Variants in SIPA1L1 observed in about 807,000 individuals in gnomAD.
The protein encoded by SIPA1L1 is signal-induced proliferation-associated 1-like protein 1.
SIPA1L1 carries 26 observed loss-of-function variants against 162.7 expected under a neutral mutation model. That is an observed-to-expected ratio of 0.16 (90% CI 0.12 to 0.22). SIPA1L1 has a LOEUF of 0.22. SIPA1L1 is among the 10% of genes least tolerant of loss of function. The pLI, the probability that SIPA1L1 is intolerant of heterozygous loss-of-function variation, is 1.00. For synonymous variants in SIPA1L1, 829 were observed against 837.4 expected, an observed-to-expected ratio of 0.99 and a Z score of 0.17; for missense variants, 1,874 against 2,241.0, an observed-to-expected ratio of 0.84 and a Z score of 3.31.
chr14:71,588,617 A>G lies in SIPA1L1; in HGVS notation c.745A>G (p.Thr249Ala), dbSNP rs878874612. The G allele has an allele frequency of 1.2e-6, 2 of 1,614,076 alleles. No homozygotes were observed. The highest frequency in any genetic ancestry group is 2.2e-5 in the South Asian group (2 of 91,080). ...AACCAAGCTCAGTGACTTTCTCATT[A>G]CTGGTGGTGGCAAGGGTTCTGGTTT... ...TPTKLSDFLI[T>A]GGGKGSGFSL... Residue 249 changes from threonine (T) to alanine (A), a missense_variant, in exon 5 of 24, where the codon ACT becomes GCT. Transcript: ENST00000381232. The surrounding 1 kb of genome is among the most constrained non-coding windows in gnomAD (Gnocchi z 4.3).
intron 8 of SIPA1L1, among the ~76,000 whole-genome samples, chr14:71,655,229 T>C (rs1017187939): frequency 1.3e-5 from 2 of 152,142 alleles, no homozygotes; most frequent in African/African-American, 4.8e-5. Flanking sequence ...GTATTTGACT[T>C]TCTGTTTCTG....
chr14:71,430,390 A>G (rs1270797941), intron 2 of SIPA1L1, among the ~76,000 whole-genome samples: 1 of 152,212 alleles, frequency 6.6e-6, no homozygotes, highest in Non-Finnish European at 1.5e-5. Flanking sequence ...ATCAGTCTTC[A>G]TATGCCACTT....
Position 71,724,675 on chromosome 14 carries a change from A to G in SIPA1L1, c.4454A>G (p.His1485Arg), listed in dbSNP as rs770034153. The change falls in exon 19 of 24, where the codon CAT becomes CGT. Residue 1485 changes from histidine to arginine, a missense_variant. By Grantham distance (29) the His-to-Arg change is conservative (BLOSUM62 0). This residue lies in a region of SIPA1L1 where 936 missense variants were observed against 1,051.9 expected (regional missense o/e 0.89). Transcript: ENST00000381232. ...SVGFMDTRKR[H>R]QSDGNEIAHT... ...CTCTTCCCTTTTTTGTCCAGGCGTC[A>G]TCAGAGCGATGGCAATGAAATAGCC... The G allele has an allele frequency of 6.2e-7, 1 of 1,612,470 alleles. No homozygotes were observed. Among genetic ancestry groups the G allele is most frequent in the African/African-American group, 1.3e-5 (1 of 74,880 alleles).
At chr14:71,653,744 G>A (rs183227697) in intron 8 of SIPA1L1, among the ~76,000 whole-genome samples, 1 of 152,272 alleles carries the variant, frequency 6.6e-6, no homozygotes, top group Admixed American at 6.5e-5. Context: ...CATTATGGCT[G>A]GAAGCAGAAG....
rs377603373 is a variant in SIPA1L1, at chr14:71,705,314, C to G, written c.3739C>G (p.His1247Asp). The stretch of plus-strand genomic sequence containing the variant: ...ATTAATGCGGCAGGATCCAGTGGTT[C>G]ATTTGTCTCCAAACAAACAAGGGCA... The part of the protein sequence containing the change: ...GRLMRQDPVV[H>D]LSPNKQGHSD... Residue 1247 changes from histidine to aspartate, a missense_variant, in exon 16 of 24, where the codon CAT (histidine) becomes GAT (aspartate). Physicochemically the swap from His to Asp is moderately conservative, Grantham distance 81 (BLOSUM62 -1). Coordinates refer to ENST00000381232, the MANE Select transcript of SIPA1L1 (RefSeq NM_001386936.1). 4 of 1,613,856 alleles carry G rather than the reference C, an allele frequency of 2.5e-6. No individual in the cohort carries two copies. The highest frequency in any genetic ancestry group is 3.4e-6 in the Non-Finnish European group (4 of 1,179,746).
intron 19 of SIPA1L1, among the ~76,000 whole-genome samples, chr14:71,727,147 G>T (rs1022131477): frequency 5.3e-5 from 8 of 152,074 alleles, no homozygotes; most frequent in Non-Finnish European, 1.0e-4. Context: ...ATAGGATAAC[G>T]TTATTTTCCC....
chr14:71,711,915 C>G (rs1438426813), intron 17 of SIPA1L1, among the ~76,000 whole-genome samples: 8 of 152,158 alleles, frequency 5.3e-5, no homozygotes, highest in Admixed American at 1.3e-4. Context: ...GAGTCACATT[C>G]ATTTCTAGAC....
intron 9 of SIPA1L1, 129 bp downstream of exon 9, chr14:71,658,565 G>A (rs1448460130): frequency 7.3e-6 from 5 of 680,420 alleles, no homozygotes; most frequent in Non-Finnish European, 1.0e-5. Flanking sequence ...GAAGCTTTGT[G>A]CTTTGTGGAA....
intron 2 of SIPA1L1, among the ~76,000 whole-genome samples, chr14:71,474,852 C>T (rs1255587458): frequency 6.6e-6 from 1 of 152,048 alleles, no homozygotes; most frequent in South Asian, 2.1e-4. Context: ...TATATTCCAG[C>T]CTGAAAAAAA....
chr14:71,388,372 A>C (rs944187430), intron 2 of SIPA1L1, among the ~76,000 whole-genome samples: 122 of 152,376 alleles, frequency 8.0e-4, no homozygotes, highest in Middle Eastern at 3.4e-3. Flanking sequence ...ATCATTCACA[A>C]GGAATTATCT....
intron 4 of SIPA1L1, among the ~76,000 whole-genome samples, chr14:71,532,168 A>T (rs1370932597): frequency 6.6e-6 from 1 of 152,154 alleles, no homozygotes; most frequent in Non-Finnish European, 1.5e-5. Flanking sequence ...TTGTTTGAAG[A>T]TCTTACACTT....
At chr14:71,527,156 T>C (rs1216829015) in intron 3 of SIPA1L1, among the ~76,000 whole-genome samples, 1 of 152,106 alleles carries the variant, frequency 6.6e-6, no homozygotes, top group African/African-American at 2.4e-5. Context: ...GGGTGGCTTG[T>C]CTTTTTCTTC....
At chr14:71,603,966 TATAG>T (rs2037153409) in intron 5 of SIPA1L1, among the ~76,000 whole-genome samples, 1 of 145,226 alleles carries the variant, frequency 6.9e-6, no homozygotes, top group African/African-American at 2.5e-5. Context: ...TATATTTATA[TATAG>T]ATATATTTAT....
intron 2 of SIPA1L1, among the ~76,000 whole-genome samples, chr14:71,416,600 C>A (rs1195021013): frequency 6.6e-6 from 1 of 152,060 alleles, no homozygotes; most frequent in Non-Finnish European, 1.5e-5. Context: ...CTCAACAGTT[C>A]TCCCAACCTG....
Position 71,723,812 on chromosome 14 carries a change from T to C in SIPA1L1, c.4374T>C (p.Ala1458=). ...GPRSFYPRQG[A]TSKYLIGWKK... ...GGAGTTTTTACCCTCGCCAGGGCGC[T>C]ACTAGCAAGTACCTGATTGGATGGA... The change falls in exon 18 of 24, where the codon GCT becomes GCC. Residue 1458 remains alanine (A), a synonymous_variant. Coordinates refer to ENST00000381232, the MANE Select transcript of SIPA1L1 (RefSeq NM_001386936.1). The C allele has an allele frequency of 6.2e-7, 1 of 1,614,222 alleles. No homozygotes were observed. Among genetic ancestry groups the C allele is most frequent in the Non-Finnish European group, 8.5e-7 (1 of 1,180,038 alleles).
intron 4 of SIPA1L1, among the ~76,000 whole-genome samples, chr14:71,555,582 C>T (rs968643358): frequency 3.9e-5 from 6 of 152,180 alleles, no homozygotes; most frequent in Middle Eastern, 3.2e-3. Flanking sequence ...TCTTCAAAAA[C>T]TTTTCCTTTG....
chr14:71,552,186 A>G (rs561738088), intron 4 of SIPA1L1, among the ~76,000 whole-genome samples: 1 of 152,192 alleles, frequency 6.6e-6, no homozygotes, highest in Non-Finnish European at 1.5e-5. Flanking sequence ...GAATAAATGT[A>G]TCCTAAGCCA....
chr14:71,406,824 C>T (rs1185495566), intron 2 of SIPA1L1, among the ~76,000 whole-genome samples: 6 of 152,102 alleles, frequency 3.9e-5, no homozygotes, highest in African/African-American at 7.2e-5. Context: ...GTAGGATGAA[C>T]GAAACAAGTG....
chr14:71,444,022 A>G (rs770050141), intron 2 of SIPA1L1, among the ~76,000 whole-genome samples: 1 of 152,202 alleles, frequency 6.6e-6, no homozygotes, highest in African/African-American at 2.4e-5. Context: ...AGTCCAGACA[A>G]TCTTGTTTTT....
Sources: gnomAD v4.1 joint callset for allele counts (sites outside exome capture counted in the v4.1 genomes callset) on GRCh38, gnomAD v4.1.1 for gene constraint, gnomAD v4.1.1 regional missense constraint, Gnocchi (gnomAD v3.1) non-coding constraint, MANE v1.5 for transcripts, NCBI Gene and HGNC (gene_info 2026-07-23, HGNC 2026-07-21) for gene names.